The following INTU variants were observed in gnomAD, a reference collection of about 807,000 sequenced individuals.
The protein encoded by INTU is protein inturned.
In INTU, 68 loss-of-function variants were observed where a neutral mutation model predicts 100.5. The ratio of observed to expected loss-of-function variants is 0.68; its 90% CI spans 0.56 to 0.83. INTU has a LOEUF of 0.83. Ranked by LOEUF, INTU falls within the 40% of genes least tolerant of loss-of-function variation. The probability of loss-of-function intolerance (pLI) is 0.00; values close to 1 mark genes in which losing one functional copy is unlikely to be tolerated. For missense variants in INTU, 1,071 were observed against 1,114.7 expected (o/e 0.96, Z 0.56); for synonymous variants, 357 against 395.7 (o/e 0.90, Z 1.16).
At chr4:127,645,120 T>C (rs1727515669) in intron 2 of INTU, among the ~76,000 whole-genome samples, 1 of 152,120 alleles carries the variant, frequency 6.6e-6, no homozygotes, top group Non-Finnish European at 1.5e-5. Flanking sequence ...AAGTATGTGT[T>C]CCAGAATGAT....
rs531614553 is a variant in INTU at position 127,656,769 on chromosome 4, A to T, written c.768+48A>T. 8 of 1,179,486 alleles carry T rather than the reference A, an allele frequency of 6.8e-6. No homozygotes were observed. In the South Asian group the frequency reaches 1.2e-4, roughly 17 times the overall value. 73.1% of individuals were successfully genotyped at this position (1,179,486 alleles called of 1,614,324 possible). A position where few individuals can be genotyped will look rare whatever the true frequency, so the allele number is the denominator to read the frequency against. On this transcript the variant is annotated intron_variant, in intron 3 of 15. Transcript: ENST00000335251. ...TTTTATGATGTTACATAAAATAAAT[A>T]TATAAATATATCGTGCACTATTTTC...
In INTU at chr4:127,724,927, A is replaced by C. The variant is rs1731395903; in HGVS notation, c.*8491A>C. 1.3e-5 allele frequency: 2 copies of C among 152,188 alleles called. No individual in the cohort carries two copies. Among genetic ancestry groups the C allele is most frequent in the South Asian group, 2.1e-4 (1 of 4,816 alleles). The allele number at this position is 152,188 out of a possible 1,614,324, so 9.4% of individuals were successfully genotyped here. On this transcript the variant is annotated 3_prime_UTR_variant, in exon 16 of 16. Coordinates refer to ENST00000335251, the MANE Select transcript of INTU (RefSeq NM_015693.4). ...CCACTACATATTTGTCCCATTAGTG[A>C]CTAGTGGGCCTTAATTTTGGCATTC...
At chr4:127,715,734 A>G (rs2148740824) in intron 15 of INTU, among the ~76,000 whole-genome samples, 1 of 152,348 alleles carries the variant, frequency 6.6e-6, no homozygotes, top group South Asian at 2.1e-4. Context: ...ATTGGAATAG[A>G]AAGAATCAAA....
intron 3 of INTU, among the ~76,000 whole-genome samples, chr4:127,660,679 A>G (rs1208233771): frequency 6.6e-6 from 1 of 152,218 alleles, no homozygotes; most frequent in African/African-American, 2.4e-5. Context: ...AAGACTTTGG[A>G]AGTGATGAGT....
At chr4:127,655,248 T>C (rs1316524863) in intron 2 of INTU, among the ~76,000 whole-genome samples, 1 of 152,170 alleles carries the variant, frequency 6.6e-6, no homozygotes, top group Non-Finnish European at 1.5e-5. Flanking sequence ...CCATCCAGCT[T>C]TGTTCCGTTG....
At chr4:127,707,417 A>AAG (rs1730932772) in intron 12 of INTU, among the ~76,000 whole-genome samples, 2 of 150,226 alleles carry the variant, frequency 1.3e-5, no homozygotes, top group East Asian at 3.9e-4. Context: ...AAAAAAAAAA[A>AAG]GAAATATCAA....
At chr4:127,646,087 G>A (rs1247775619) in intron 2 of INTU, among the ~76,000 whole-genome samples, 1 of 151,716 alleles carries the variant, frequency 6.6e-6, no homozygotes, top group East Asian at 2.0e-4. Flanking sequence ...GGGAGGCTGG[G>A]GCACGAGAAT....
Position 127,680,598 on chromosome 4 carries a change from C to T in INTU, c.1182-3811C>T, listed in dbSNP as rs1477066660. On this transcript the variant is annotated intron_variant, in intron 6 of 15. Transcript: ENST00000335251. ...CTCAATAAATTAGGTATTGATGGGA[C>T]GTATCTCAAAATAAGAGCTATCTAT... Among the ~76,000 whole-genome samples the T allele has an allele frequency of 4.0e-5, 4 of 99,814 alleles. 1 individual carries two copies. 65.5% of individuals were successfully genotyped at this position (99,814 alleles called of 152,430 possible).
At chr4:127,681,299 A>G (rs982976934) in intron 6 of INTU, among the ~76,000 whole-genome samples, 3 of 152,164 alleles carry the variant, frequency 2.0e-5, no homozygotes, top group African/African-American at 7.2e-5. Flanking sequence ...CGCCAAGTCA[A>G]TCCTAAGCCA....
At chr4:127,647,867 A>ATATAG (rs1727659064) in intron 2 of INTU, among the ~76,000 whole-genome samples, 1 of 152,158 alleles carries the variant, frequency 6.6e-6, no homozygotes, top group Non-Finnish European at 1.5e-5. Context: ...TTCATTTTAT[A>ATATAG]TATAGTATAA....
At position 127,706,726 on chromosome 4, in the gene INTU, T is replaced by C; in HGVS notation, c.2028T>C (p.Ile676=). The change falls in exon 12 of 16, where the codon ATT becomes ATC. Residue 676 remains isoleucine, a synonymous_variant. Transcript: ENST00000335251. ...CAGATAGCTTGACCACTTCGCCTAT[T>C]CTCAGTAGGCTACAAGGTACTTCCA... The part of the protein sequence containing the change: ...EKTDSLTTSP[I]LSRLQGTSKV... The C allele has an allele frequency of 1.9e-6, 3 of 1,614,104 alleles. No individual in the cohort carries two copies. The highest frequency in any genetic ancestry group is 2.5e-6 in the Non-Finnish European group (3 of 1,179,986).
chr4:127,712,170 T>G (rs1731118754), intron 14 of INTU, among the ~76,000 whole-genome samples: 1 of 152,176 alleles, frequency 6.6e-6, no homozygotes, highest in Non-Finnish European at 1.5e-5. Flanking sequence ...TAAGGAATCC[T>G]GGACTGAGCC....
chr4:127,656,748 A>G (rs1210129670), intron 3 of INTU, 27 bp downstream of exon 3: 1 of 1,373,080 alleles, frequency 7.3e-7, no homozygotes, highest in Non-Finnish European at 1.0e-6. Context: ...TCTATATTTT[A>G]TGATGTTACA....
At chr4:127,686,771 G>A (rs1240913338) in intron 7 of INTU, 6 of 152,130 alleles carry the variant, frequency 3.9e-5, no homozygotes, top group African/African-American at 1.2e-4. Context: ...TAAGCTTCAT[G>A]GGAGCTCATT....
At chr4:127,715,752 G>C (rs968761997) in intron 15 of INTU, among the ~76,000 whole-genome samples, 1 of 152,134 alleles carries the variant, frequency 6.6e-6, no homozygotes, top group Non-Finnish European at 1.5e-5. Context: ...AAAAGATGTT[G>C]AATTTTGATA....
At position 127,681,264 on chromosome 4, in the gene INTU, A is replaced by T. The variant is rs191581226; in HGVS notation, c.1182-3145A>T. On this transcript the variant is annotated intron_variant, in intron 6 of 15. Transcript: ENST00000335251. ...TTGGAAAAAACTACTTTAAAGTTCA[A>T]ATGGAACCAAAAAAGAGGCCGCATC... is the stretch of plus-strand genomic sequence containing the variant. Among the ~76,000 whole-genome samples, 916 of 152,180 alleles carry T rather than the reference A, an allele frequency of 6.0e-3. 7 individuals carry two copies. Among genetic ancestry groups the T allele is most frequent in the Middle Eastern group, 0.02 (6 of 294 alleles).
intron 8 of INTU, among the ~76,000 whole-genome samples, chr4:127,697,601 G>A (rs939950030): frequency 6.6e-6 from 1 of 151,934 alleles, no homozygotes; most frequent in Admixed American, 6.6e-5. Context: ...TTAACATAAT[G>A]CCCTCTAGGT....
chr4:127,688,343 A>G (rs768915227), intron 8 of INTU, among the ~76,000 whole-genome samples: 1 of 152,222 alleles, frequency 6.6e-6, no homozygotes, highest in Non-Finnish European at 1.5e-5. Flanking sequence ...TCGCATACCA[A>G]TAGTAAAACT....
chr4:127,711,515 G>A (rs1367417972), intron 14 of INTU, among the ~76,000 whole-genome samples: 3 of 152,036 alleles, frequency 2.0e-5, no homozygotes, highest in Non-Finnish European at 4.4e-5. Context: ...TTAAGGCAGG[G>A]GTCCCCAACC....
Sources: gnomAD v4.1 joint callset for allele counts (sites outside exome capture counted in the v4.1 genomes callset) on GRCh38, gnomAD v4.1.1 for gene constraint, MANE v1.5 for transcripts, NCBI Gene and HGNC (gene_info 2026-07-23, HGNC 2026-07-21) for gene names.